Variants in ALCAM observed in about 807,000 individuals in gnomAD.
ALCAM encodes activated leukocyte cell adhesion molecule.
Under a neutral mutation model 70.9 loss-of-function variants are expected in ALCAM, and 30 were observed. The observed-to-expected ratio is 0.42, with a 90% CI of 0.32 to 0.57. The LOEUF is 0.57. ALCAM is among the 20% of genes least tolerant of loss of function. The probability of loss-of-function intolerance (pLI) is 0.11; values close to 1 mark genes in which losing one functional copy is unlikely to be tolerated. For missense variants in ALCAM, 591 were observed against 695.1 expected, an observed-to-expected ratio of 0.85 and a Z score of 1.68; for synonymous variants, 249 against 242.5, an observed-to-expected ratio of 1.03 and a Z score of -0.25.
chr3:105,504,215 CGGGCAGGTTATG>C (rs1267645795), intron 1 of ALCAM, among the ~76,000 whole-genome samples: 1 of 152,160 alleles, frequency 6.6e-6, no homozygotes. Flanking sequence ...AGCACACAGA[CGGGCAGGTTATG>C]GGGCAGGTTA....
At chr3:105,405,107 G>A (rs559702516) in intron 1 of ALCAM, among the ~76,000 whole-genome samples, 1 of 151,856 alleles carries the variant, frequency 6.6e-6, no homozygotes, top group Admixed American at 6.6e-5. Flanking sequence ...GAGAAACCTT[G>A]TCTCTACTAA....
At chr3:105,373,291 G>T (rs2107320153) in intron 1 of ALCAM, among the ~76,000 whole-genome samples, 1 of 152,176 alleles carries the variant, frequency 6.6e-6, no homozygotes, top group Admixed American at 6.5e-5. Context: ...ATTGGAACTT[G>T]TAATTAAAAA....
rs573131560 is a variant in ALCAM, at chr3:105,390,173, A to C, written c.73+22692A>C. On this transcript the variant is annotated intron_variant, in intron 1 of 15. Transcript: ENST00000306107. ...GAGAGGAATCACCACACTGTCTTCC[A>C]CAATGATTGAACTAATTTACATTAC... 2.0e-5 allele frequency among the ~76,000 whole-genome samples: 3 copies of C among 152,186 alleles called. No individual in the cohort carries two copies. The South Asian group carries it at 6.2e-4, about 32-fold the overall frequency.
chr3:105,376,767 C>T (rs1302426912), intron 1 of ALCAM, among the ~76,000 whole-genome samples: 3 of 152,128 alleles, frequency 2.0e-5, no homozygotes, highest in East Asian at 1.9e-4. Context: ...ATCTGAGCTA[C>T]GTGCTGAGGA....
rs1326224337 is a variant in ALCAM, at chr3:105,568,057, TA to T, written c.1665-3794del. The stretch of plus-strand genomic sequence containing the variant: ...TTTTATTTTTTTTATTATTTTATTT[TA>T]TTTTATTTTTTTTTTTTTTTGAGAT... On this transcript the variant is annotated intron_variant, in intron 14 of 15. Coordinates refer to ENST00000306107, the MANE Select transcript of ALCAM (RefSeq NM_001627.4). Among the ~76,000 whole-genome samples the T allele has an allele frequency of 5.8e-3, 601 of 103,836 alleles. 4 individuals are homozygous for T. Among genetic ancestry groups the T allele is most frequent in the South Asian group, 0.016 (41 of 2,568 alleles). 68.1% of individuals were successfully genotyped at this position (103,836 alleles called of 152,430 possible).
chr3:105,378,583 C>T (rs6778460), intron 1 of ALCAM, among the ~76,000 whole-genome samples: 23,637 of 150,824 alleles, frequency 0.16, 2,116 homozygotes, highest in Non-Finnish European at 0.21. Flanking sequence ...TTACATAAAT[C>T]CCCTGTTCCA....
chr3:105,389,259 T>C (rs943014302), intron 1 of ALCAM, among the ~76,000 whole-genome samples: 4 of 150,832 alleles, frequency 2.7e-5, no homozygotes, highest in African/African-American at 7.3e-5. Flanking sequence ...AAATACGGGA[T>C]GAAAGTAAGA....
At chr3:105,380,749 C>T (rs1441028038) in intron 1 of ALCAM, among the ~76,000 whole-genome samples, 1 of 151,652 alleles carries the variant, frequency 6.6e-6, no homozygotes, top group African/African-American at 2.4e-5. Flanking sequence ...TGAAATCGTC[C>T]AATTCTCTGG....
intron 1 of ALCAM, among the ~76,000 whole-genome samples, chr3:105,449,683 C>T (rs1035846533): frequency 3.3e-5 from 5 of 152,230 alleles, no homozygotes; most frequent in African/African-American, 7.2e-5. Context: ...AACTGTGCCA[C>T]GTAAAGACTT....
chr3:105,446,871 G>A (rs1024560527), intron 1 of ALCAM, among the ~76,000 whole-genome samples: 1 of 152,136 alleles, frequency 6.6e-6, no homozygotes, highest in Non-Finnish European at 1.5e-5. Flanking sequence ...CAAGAGGAAG[G>A]ATGGGGAGAA....
At chr3:105,529,431 A>G (rs1939784951) in intron 3 of ALCAM, among the ~76,000 whole-genome samples, 1 of 152,194 alleles carries the variant, frequency 6.6e-6, no homozygotes, top group African/African-American at 2.4e-5. Flanking sequence ...AAAATAGTGC[A>G]TGTCCTCTTT....
intron 9 of ALCAM, among the ~76,000 whole-genome samples, chr3:105,546,150 C>T (rs1940242144): frequency 6.6e-6 from 1 of 151,254 alleles, no homozygotes; most frequent in African/African-American, 2.4e-5. Context: ...CTAGTATATC[C>T]AAACTCCCAG....
At chr3:105,374,578 G>A (rs1372440388) in intron 1 of ALCAM, among the ~76,000 whole-genome samples, 5 of 152,146 alleles carry the variant, frequency 3.3e-5, no homozygotes, top group East Asian at 1.9e-4. Flanking sequence ...GTGCAATGGT[G>A]CGATCTCTGC....
chr3:105,394,473 A>C (rs765820175), intron 1 of ALCAM, among the ~76,000 whole-genome samples: 1 of 151,878 alleles, frequency 6.6e-6, no homozygotes, highest in Non-Finnish European at 1.5e-5. Context: ...GGCCCATAGA[A>C]ATGTCTCTGC....
chr3:105,379,023 C>T (rs906018183), intron 1 of ALCAM, among the ~76,000 whole-genome samples: 1 of 151,896 alleles, frequency 6.6e-6, no homozygotes, highest in Non-Finnish European at 1.5e-5. Flanking sequence ...GCATAGATTT[C>T]TTTATATAAC....
intron 1 of ALCAM, among the ~76,000 whole-genome samples, chr3:105,467,504 C>T (rs1937779274): frequency 6.6e-6 from 1 of 151,002 alleles, no homozygotes; most frequent in African/African-American, 2.4e-5. Context: ...ATACGGCGCT[C>T]CTTTTTAAAT....
chr3:105,545,402 T>C (rs992612341), intron 9 of ALCAM, 67 bp downstream of exon 9: 5 of 1,101,694 alleles, frequency 4.5e-6, no homozygotes, highest in Non-Finnish European at 6.9e-6. Context: ...TTATGCACTT[T>C]ATATTGTATT....
At chr3:105,397,744 C>G (rs1380639995) in intron 1 of ALCAM, among the ~76,000 whole-genome samples, 1 of 151,772 alleles carries the variant, frequency 6.6e-6, no homozygotes, top group Non-Finnish European at 1.5e-5. Context: ...TGACTAAATG[C>G]AAATAAGAAC....
intron 1 of ALCAM, among the ~76,000 whole-genome samples, chr3:105,453,213 A>G (rs1937478028): frequency 6.6e-6 from 1 of 152,116 alleles, no homozygotes; most frequent in Non-Finnish European, 1.5e-5. Context: ...TGGGTTTTAC[A>G]TTTAAGTCTT....
Sources: allele counts gnomAD v4.1 joint callset (sites outside exome capture counted in the v4.1 genomes callset), GRCh38; gene constraint gnomAD v4.1.1; transcripts MANE v1.5; gene names NCBI Gene and HGNC (gene_info 2026-07-23, HGNC 2026-07-21).